TANC2: variants seen among roughly 807,000 people sequenced by gnomAD.
The protein encoded by TANC2 is protein TANC2.
In TANC2, 26 loss-of-function variants were observed where a neutral mutation model predicts 210.5. The ratio of observed to expected loss-of-function variants is 0.12; its 90% CI spans 0.09 to 0.17. The LOEUF is 0.17. Among genes scored for constraint, TANC2 ranks in the 10% least tolerant of loss-of-function variants. The probability of loss-of-function intolerance (pLI) is 1.00; values close to 1 mark genes in which losing one functional copy is unlikely to be tolerated. For synonymous variants in TANC2, 931 were observed against 967.1 expected (o/e 0.96, Z 0.69); for missense variants, 2,129 against 2,608.9 (o/e 0.82, Z 4.01).
At chr17:63,160,945 A>G (rs2040005266) in intron 5 of TANC2, among the ~76,000 whole-genome samples, 1 of 152,186 alleles carries the variant, frequency 6.6e-6, no homozygotes, top group Admixed American at 6.5e-5. Flanking sequence ...TTATATAGAA[A>G]AGCATTGTGT....
intron 1 of TANC2, among the ~76,000 whole-genome samples, chr17:62,968,903 G>A (rs145684316): frequency 7.2e-5 from 11 of 152,258 alleles, no homozygotes; most frequent in African/African-American, 2.2e-4. Flanking sequence ...GGAAGAGGGT[G>A]CAATACAATT....
chr17:63,069,479 T>G (rs929268700), intron 2 of TANC2, among the ~76,000 whole-genome samples: 2 of 152,112 alleles, frequency 1.3e-5, no homozygotes, highest in African/African-American at 4.8e-5. Context: ...CATTTGAACC[T>G]CACAACAGCC....
chr17:63,186,209 A>G (rs2040977365), intron 5 of TANC2, among the ~76,000 whole-genome samples: 1 of 152,194 alleles, frequency 6.6e-6, no homozygotes. Context: ...AGGTGATTAT[A>G]TATAGAGAGA....
intron 4 of TANC2, chr17:63,120,712 G>A (rs2038431140): frequency 1.4e-5 from 2 of 144,274 alleles, no homozygotes; most frequent in Admixed American, 7.3e-5. Flanking sequence ...TGCTTGGGAG[G>A]TTTAGGTAGG....
intron 4 of TANC2, among the ~76,000 whole-genome samples, chr17:63,123,244 G>T (rs981636027): frequency 2.0e-5 from 3 of 152,158 alleles, no homozygotes; most frequent in African/African-American, 7.2e-5. Context: ...ATTGAGTTCA[G>T]GGTGGTAGGA....
At position 63,296,563 on chromosome 17, in the gene TANC2, G is replaced by A. The variant is rs1274667101; in HGVS notation, c.1160-17825G>A. ...GCCTATTCACTGGAAAAAATAAATT[G>A]ACAGAAGCCATCCCTGAGGCAGCTG... On this transcript the variant is annotated intron_variant, in intron 9 of 27. Coordinates refer to ENST00000689528, the Ensembl canonical transcript of TANC2. Among the ~76,000 whole-genome samples the A allele has an allele frequency of 3.9e-5, 6 of 152,256 alleles. No homozygotes were observed. In the South Asian group the frequency reaches 1.0e-3, roughly 26 times the overall value.
At chr17:63,406,452 ACT>A (rs1213094672) in intron 21 of TANC2, among the ~76,000 whole-genome samples, 175 bp downstream of exon 21, 2 of 152,020 alleles carry the variant, frequency 1.3e-5, no homozygotes, top group Admixed American at 6.6e-5. Context: ...TAACTCTGAT[ACT>A]CTCTATTTCC....
intron 8 of TANC2, among the ~76,000 whole-genome samples, chr17:63,245,003 A>G (rs1447499148): frequency 6.6e-6 from 1 of 152,146 alleles, no homozygotes; most frequent in African/African-American, 2.4e-5. Context: ...CTCCTGTGTA[A>G]ATTACCCAGT....
chr17:63,162,894 G>T (rs754388102), intron 5 of TANC2, among the ~76,000 whole-genome samples: 1 of 151,982 alleles, frequency 6.6e-6, no homozygotes, highest in Non-Finnish European at 1.5e-5. Context: ...CCCACTTAAC[G>T]TTAGTGGTCA....
chr17:63,259,869 A>G (rs1271913402), intron 8 of TANC2, among the ~76,000 whole-genome samples: 1 of 152,016 alleles, frequency 6.6e-6, no homozygotes, highest in African/African-American at 2.4e-5. Context: ...AGTACCCTAT[A>G]ATTATTTTTA....
At chr17:63,130,515 A>C (rs372743956) in intron 4 of TANC2, among the ~76,000 whole-genome samples, 38 of 147,346 alleles carry the variant, frequency 2.6e-4, no homozygotes, top group South Asian at 4.2e-4. Flanking sequence ...CCATCTCACA[A>C]AAAAAAAAAA....
intron 7 of TANC2, among the ~76,000 whole-genome samples, chr17:63,218,215 C>T (rs2042074468): frequency 6.6e-6 from 1 of 151,746 alleles, no homozygotes. Context: ...CTGCAGTGAG[C>T]TGTGATCATG....
At chr17:63,186,175 G>A (rs970456797) in intron 5 of TANC2, among the ~76,000 whole-genome samples, 1 of 152,122 alleles carries the variant, frequency 6.6e-6, no homozygotes, top group African/African-American at 2.4e-5. Context: ...CTGAAACACT[G>A]CAGTGAAACT....
intron 2 of TANC2, among the ~76,000 whole-genome samples, chr17:63,014,355 G>A (rs1272469680): frequency 6.6e-6 from 1 of 151,752 alleles, no homozygotes; most frequent in Non-Finnish European, 1.5e-5. Flanking sequence ...CCAACATCAG[G>A]GCTTCCCTCA....
chr17:62,991,914 G>A (rs566465675), intron 1 of TANC2, among the ~76,000 whole-genome samples: 3 of 152,052 alleles, frequency 2.0e-5, no homozygotes, highest in African/African-American at 4.8e-5. Flanking sequence ...GGAGTTTTAC[G>A]CACGGTTTCT....
At chr17:63,048,956 A>G (rs918055205) in intron 2 of TANC2, among the ~76,000 whole-genome samples, 1 of 152,186 alleles carries the variant, frequency 6.6e-6, no homozygotes, top group South Asian at 2.1e-4. Flanking sequence ...AAAATAAAAG[A>G]TAAGGAGAGT....
At chr17:63,417,831 C>T (rs1225116985) in intron 26 of TANC2, among the ~76,000 whole-genome samples, 1 of 152,170 alleles carries the variant, frequency 6.6e-6, no homozygotes, top group Non-Finnish European at 1.5e-5. Context: ...GTTTCCTTTA[C>T]AGACGTCATC....
intron 2 of TANC2, among the ~76,000 whole-genome samples, chr17:63,035,223 G>A (rs1446587324): frequency 6.6e-6 from 1 of 152,182 alleles, no homozygotes; most frequent in Admixed American, 6.6e-5. Flanking sequence ...TGAAGGCTCA[G>A]ATGATAACAT....
chr17:63,056,136 A>G (rs1268590701), intron 2 of TANC2, among the ~76,000 whole-genome samples: 1 of 142,520 alleles, frequency 7.0e-6, no homozygotes, highest in Non-Finnish European at 1.5e-5. Flanking sequence ...GATTGTGTCC[A>G]TGCACTCCAG....
Sources: allele counts gnomAD v4.1 joint callset (sites outside exome capture counted in the v4.1 genomes callset), GRCh38; gene constraint gnomAD v4.1.1; transcripts MANE v1.5; gene names NCBI Gene and HGNC (gene_info 2026-07-23, HGNC 2026-07-21).